LCORL: variants seen among roughly 807,000 people sequenced by gnomAD.
LCORL encodes the protein ligand dependent nuclear receptor corepressor like.
Under a neutral mutation model 141.8 loss-of-function variants are expected in LCORL, and 41 were observed. The ratio of observed to expected loss-of-function variants is 0.29; its 90% CI spans 0.23 to 0.38. LCORL has a LOEUF of 0.38. Among genes scored for constraint, LCORL ranks in the 10% least tolerant of loss-of-function variants. The pLI, the probability that LCORL is intolerant of heterozygous loss-of-function variation, is 1.00. For synonymous variants in LCORL, 618 were observed against 694.1 expected, an observed-to-expected ratio of 0.89 and a Z score of 1.72; for missense variants, 1,759 against 2,035.0, an observed-to-expected ratio of 0.86 and a Z score of 2.61.
chr4:17,877,619 G>C, exon 7 of LCORL: 4 of 1,230,610 alleles, frequency 3.3e-6, no homozygotes, highest in Non-Finnish European at 3.0e-6. Flanking sequence ...TCTCTGAGAT[G>C]ACGTCTTTCA....
At chr4:17,886,003 T>C in intron 6 of LCORL, 65 bp downstream of exon 6, 1 of 905,080 alleles carries the variant, frequency 1.1e-6, no homozygotes, top group Non-Finnish European at 1.7e-6. Flanking sequence ...CAGAATAGTA[T>C]TAAGAGTTCT....
chr4:17,856,255 A>G (rs569246386), intron 7 of LCORL, among the ~76,000 whole-genome samples: 15 of 152,196 alleles, frequency 9.9e-5, no homozygotes, highest in Non-Finnish European at 1.8e-4. Flanking sequence ...TCCTAAATTC[A>G]TATGTCGAAG....
At chr4:18,014,919 T>C (rs1223173181) in intron 1 of LCORL, among the ~76,000 whole-genome samples, 1 of 152,316 alleles carries the variant, frequency 6.6e-6, no homozygotes, top group African/African-American at 2.4e-5. Context: ...AGGCAGGTCC[T>C]TAAAATTTTG....
intron 4 of LCORL, among the ~76,000 whole-genome samples, chr4:17,941,850 GA>G (rs1359959719): frequency 1.8e-5 from 2 of 108,420 alleles, no homozygotes; most frequent in African/African-American, 7.3e-5. Flanking sequence ...TCCCATGATA[GA>G]ATTTTTTTTT....
At chr4:18,013,392 A>G (rs1411767036) in intron 1 of LCORL, among the ~76,000 whole-genome samples, 1 of 152,194 alleles carries the variant, frequency 6.6e-6, no homozygotes, top group African/African-American at 2.4e-5. Flanking sequence ...GTGGATTTAA[A>G]TATCATCTTT....
intron 4 of LCORL, among the ~76,000 whole-genome samples, chr4:17,932,247 A>G (rs1448573210): frequency 6.6e-6 from 1 of 152,156 alleles, no homozygotes; most frequent in Non-Finnish European, 1.5e-5. Context: ...GGGGAGTTCA[A>G]TGTTTTCACA....
chr4:17,926,173 T>C (rs1735113253), intron 4 of LCORL, among the ~76,000 whole-genome samples: 1 of 152,168 alleles, frequency 6.6e-6, no homozygotes, highest in Non-Finnish European at 1.5e-5. Context: ...GATGGACTTG[T>C]GATGGTTAAT....
chr4:17,986,189 T>A (rs542539801), intron 1 of LCORL, among the ~76,000 whole-genome samples: 2 of 152,296 alleles, frequency 1.3e-5, no homozygotes, highest in South Asian at 4.1e-4. Flanking sequence ...CAGCTACCTT[T>A]AACATTCTTT....
At chr4:17,850,869 G>C (rs1294315824) in intron 7 of LCORL, among the ~76,000 whole-genome samples, 1 of 151,498 alleles carries the variant, frequency 6.6e-6, no homozygotes, top group East Asian at 1.9e-4. Flanking sequence ...CAAAGACTTG[G>C]AACCAACCCA....
chr4:17,842,597 A>T (rs1366397084), exon 8 of LCORL: 1 of 483,150 alleles, frequency 2.1e-6, no homozygotes, highest in African/African-American at 2.0e-5. Flanking sequence ...CATGGTCTTT[A>T]GTACTATCTT....
chr4:17,898,516 A>T (rs1043640171), intron 5 of LCORL, among the ~76,000 whole-genome samples: 5 of 151,990 alleles, frequency 3.3e-5, no homozygotes, highest in African/African-American at 4.8e-5. Flanking sequence ...AACCACATTC[A>T]TTGTCGTTAG....
At chr4:17,906,666 T>C (rs1731671042) in intron 5 of LCORL, among the ~76,000 whole-genome samples, 1 of 151,484 alleles carries the variant, frequency 6.6e-6, no homozygotes. Context: ...ATCTAAGGAC[T>C]GGAAATTTAC....
intron 1 of LCORL, among the ~76,000 whole-genome samples, chr4:17,986,163 A>G (rs1245351607): frequency 6.6e-6 from 1 of 152,164 alleles, no homozygotes; most frequent in Non-Finnish European, 1.5e-5. Flanking sequence ...TTTGTAAATG[A>G]CCTGCGCTTT....
chr4:18,017,910 T>C (rs951340057), intron 1 of LCORL, among the ~76,000 whole-genome samples: 4 of 152,070 alleles, frequency 2.6e-5, no homozygotes, highest in African/African-American at 9.7e-5. Context: ...CTGAAGAATT[T>C]AGGGGTAAAG....
intron 4 of LCORL, among the ~76,000 whole-genome samples, chr4:17,940,096 ATAGG>A (rs1320312443): frequency 6.8e-6 from 1 of 147,984 alleles, no homozygotes; most frequent in African/African-American, 2.5e-5. Flanking sequence ...ATATACATAT[ATAGG>A]TAGATATATG....
At chr4:17,878,951 A>G (rs1217863681) in intron 6 of LCORL, among the ~76,000 whole-genome samples, 2 of 151,114 alleles carry the variant, frequency 1.3e-5, no homozygotes, top group African/African-American at 4.8e-5. Context: ...AGAAGTCTAC[A>G]CATTTTTTTT....
At chr4:17,915,795 T>C (rs1274279543) in intron 4 of LCORL, among the ~76,000 whole-genome samples, 1 of 152,206 alleles carries the variant, frequency 6.6e-6, no homozygotes, top group Non-Finnish European at 1.5e-5. Context: ...CCTGGTTTCT[T>C]CTAGTTAATT....
intron 4 of LCORL, among the ~76,000 whole-genome samples, chr4:17,939,479 A>C (rs1737469652): frequency 6.6e-6 from 1 of 152,178 alleles, no homozygotes; most frequent in East Asian, 1.9e-4. Context: ...TTCCCATGAG[A>C]AATGGAACAG....
chr4:17,978,320 G>T (rs1391741319), intron 1 of LCORL, among the ~76,000 whole-genome samples: 1 of 152,118 alleles, frequency 6.6e-6, no homozygotes, highest in Admixed American at 6.5e-5. Context: ...AAGGGGCTGG[G>T]CACAGTGGCT....
Sources: gnomAD v4.1 joint callset for allele counts (sites outside exome capture counted in the v4.1 genomes callset) on GRCh38, gnomAD v4.1.1 for gene constraint, MANE v1.5 for transcripts, NCBI Gene and HGNC (gene_info 2026-07-23, HGNC 2026-07-21) for gene names.